The following HERC2 variants were observed in gnomAD, a reference collection of about 807,000 sequenced individuals.
HERC2 encodes E3 ubiquitin-protein ligase HERC2.
A neutral mutation model predicts 537.7 loss-of-function variants in HERC2; 102 were observed. The ratio of observed to expected loss-of-function variants is 0.19; its 90% confidence interval spans 0.16 to 0.22. The LOEUF is 0.22. Among genes scored for constraint, HERC2 ranks in the 10% least tolerant of loss-of-function variants. The pLI is 1.00. For synonymous variants in HERC2, 2,224 were observed against 2,466.2 expected (o/e 0.90, Z 2.91); for missense variants, 4,236 against 6,198.2 (o/e 0.68, Z 10.63).
chr15:28,144,543 G>T, intron 72 of HERC2, 130 bp downstream of exon 72: 2 of 1,282,530 alleles, frequency 1.6e-6, no homozygotes, highest in Non-Finnish European at 1.1e-6. Flanking sequence ...GGGCCTGTGA[G>T]AGCACTCACT....
rs72154154 is a variant in HERC2, at chr15:28,179,234, AT to A, written c.8938-12del. 1.3e-5 allele frequency: 20 copies of A among 1,571,270 alleles called. No individual in the cohort carries two copies. The African/African-American group carries it at 1.4e-4, about 11-fold the overall frequency. ...CGAAGGAACCTTTATCTACAACAGA[AT>A]TTTTTTAACAAAAAAAAAAGAAAAG... On this transcript the variant is annotated splice_polypyrimidine_tract_variant and intron_variant, in intron 57 of 92. Transcript: ENST00000261609.
At chr15:28,181,446 T>C (rs1171376280) in intron 57 of HERC2, among the ~76,000 whole-genome samples, 4 of 152,174 alleles carry the variant, frequency 2.6e-5, no homozygotes, top group Admixed American at 2.0e-4. Flanking sequence ...CCAATACAGA[T>C]AAAAACTAAT....
chr15:28,191,120 G>A lies in HERC2; in HGVS notation c.8557+19C>T, dbSNP rs952241110. On this transcript the variant is annotated intron_variant, in intron 54 of 92. Coordinates refer to ENST00000261609, the MANE Select transcript of HERC2 (RefSeq NM_004667.6). Reference sequence around the variant, plus strand: ...TTATTATAGAAGGTACTTCTTTTTAGGTAAACTAACTGAATTACCTGACAC... The same window carrying A: ...TTATTATAGAAGGTACTTCTTTTTAAGTAAACTAACTGAATTACCTGACAC... 1.9e-6 allele frequency: 3 copies of A among 1,597,564 alleles called. No individual in the cohort carries two copies. Among genetic ancestry groups the A allele is most frequent in the South Asian group, 2.2e-5 (2 of 90,712 alleles).
rs1464775853 is a variant in HERC2 at position 28,186,667 on chromosome 15, C to T, written c.8735G>A (p.Arg2912Gln). The T allele has an allele frequency of 8.1e-6, 13 of 1,613,832 alleles. No individual in the cohort carries two copies. The highest frequency in any genetic ancestry group is 2.2e-5 in the East Asian group (1 of 44,882). ...CAAATCTTCCTCTTCTGCACGGATC[C>T]GTCCCAGCAGGATGAGACCATGGAT... Reference protein sequence around the residue: ...CKIHGLILLGRIRAEEEDLAA... With the variant: ...CKIHGLILLGQIRAEEEDLAA... The change falls in exon 56 of 93, where the codon CGG (arginine) becomes CAG (glutamine). Residue 2912 changes from arginine (R) to glutamine (Q), a missense_variant. Coordinates refer to ENST00000261609, the MANE Select transcript of HERC2 (RefSeq NM_004667.6).
chr15:28,120,282 A>G (rs1205589864), intron 86 of HERC2, among the ~76,000 whole-genome samples: 4 of 152,254 alleles, frequency 2.6e-5, no homozygotes, highest in Admixed American at 1.3e-4. Flanking sequence ...GAGCTGTCCA[A>G]CAAAGGACAA....
At position 28,272,272 on chromosome 15, in the gene HERC2, T is replaced by C. The variant is rs2075753107; in HGVS notation, c.1026A>G (p.Gln342=). 7 of 1,612,156 alleles carry C rather than the reference T, an allele frequency of 4.3e-6. No individual in the cohort carries two copies. The highest frequency in any genetic ancestry group is 2.7e-5 in the African/African-American group (2 of 74,894). Reference sequence around the variant, plus strand: ...TCCTGCAAATGATGCTCTGGAACCTTTGCAGCAAGGGCAAAAGTGGGGCGC... The same window carrying C: ...TCCTGCAAATGATGCTCTGGAACCTCTGCAGCAAGGGCAAAAGTGGGGCGC... The part of the protein sequence containing the change: ...GTSAPLLPLL[Q]RFQSIICRKD... The change falls in exon 9 of 93, where the codon CAA becomes CAG. Residue 342 remains glutamine, a synonymous_variant. Coordinates refer to ENST00000261609, the MANE Select transcript of HERC2 (RefSeq NM_004667.6).
intron 52 of HERC2, among the ~76,000 whole-genome samples, chr15:28,192,369 A>T (rs1294306430): frequency 6.6e-6 from 1 of 152,190 alleles, no homozygotes; most frequent in East Asian, 1.9e-4. Flanking sequence ...TTCTACTAAA[A>T]CCTCCCAGGG....
intron 83 of HERC2, among the ~76,000 whole-genome samples, chr15:28,126,738 A>G (rs903280751): frequency 1.3e-5 from 2 of 152,200 alleles, no homozygotes; most frequent in Non-Finnish European, 2.9e-5. Context: ...GTGAGGGATA[A>G]AAGACTACAC....
In HERC2 at chr15:28,175,370, C is replaced by A. The variant is rs550911388; in HGVS notation, c.9831+142G>T. The A allele has an allele frequency of 2.3e-5, 19 of 838,528 alleles. No individual in the cohort carries two copies. The East Asian group carries it at 4.8e-4, about 21-fold the overall frequency. 51.9% of individuals were successfully genotyped at this position (838,528 alleles called of 1,614,324 possible). ...ACACCAGTGGGCAAAAGGAACAGGA[C>A]CCGCCCTCATGGTTCTCCAAGCAGT... is the stretch of plus-strand genomic sequence containing the variant. On this transcript the variant is annotated intron_variant, in intron 64 of 92. Transcript: ENST00000261609.
In HERC2 at chr15:28,280,166, C is replaced by A; in HGVS notation, c.444G>T (p.Glu148Asp). 8.1e-6 allele frequency: 13 copies of A among 1,614,208 alleles called. No homozygotes were observed. Among genetic ancestry groups the A allele is most frequent in the Non-Finnish European group, 1.1e-5 (13 of 1,180,030 alleles). The change falls in exon 5 of 93, where the codon GAG becomes GAT. Residue 148 changes from glutamate (E) to aspartate (D), a missense_variant. This residue lies in a region of HERC2 where 491 missense variants were observed against 559.3 expected (regional missense o/e 0.88). Transcript: ENST00000261609. The part of the protein sequence containing the change: ...LRLKQRLVIL[E>D]RYFIALNRTV... ...TTCTATTCAAGGCAATGAAATAGCG[C>A]TCCAAGATCACCAGCCTCTGCTTGA...
intron 43 of HERC2, among the ~76,000 whole-genome samples, 191 bp downstream of exon 43, chr15:28,212,254 A>AC (rs1318520237): frequency 6.6e-6 from 1 of 152,208 alleles, no homozygotes; most frequent in Non-Finnish European, 1.5e-5. Context: ...GAACATGGCG[A>AC]CAAAAGCTGA....
At chr15:28,167,916 T>G in intron 67 of HERC2, 89 bp from the exon 68 acceptor site, 1 of 1,372,818 alleles carries the variant, frequency 7.3e-7, no homozygotes, top group Non-Finnish European at 9.9e-7. Context: ...ATGCTTTACC[T>G]AAAACTACTT....
chr15:28,292,166 T>C lies in HERC2; in HGVS notation c.322+722A>G, dbSNP rs187910629. 2.5e-3 allele frequency among the ~76,000 whole-genome samples: 355 copies of C among 139,666 alleles called. 1 individual carries two copies. The highest frequency in any genetic ancestry group is 7.1e-3 in the Admixed American group (88 of 12,438). The allele number at this position is 139,666 out of a possible 152,430, so 91.6% of individuals were successfully genotyped here. On this transcript the variant is annotated intron_variant, in intron 4 of 92. Transcript: ENST00000261609. The stretch of plus-strand genomic sequence containing the variant: ...ATCACTTGAACCTGGGAGGTGGAGA[T>C]TGCAATGAGCCAAGATTGCACCACT...
At chr15:28,262,868 T>G in intron 15 of HERC2, 50 bp downstream of exon 15, 1 of 1,562,312 alleles carries the variant, frequency 6.4e-7, no homozygotes, top group African/African-American at 1.4e-5. Context: ...TTTAAAACAT[T>G]ACTAAAGAAA....
intron 23 of HERC2, among the ~76,000 whole-genome samples, chr15:28,239,547 G>A (rs985070539): frequency 6.9e-6 from 1 of 145,950 alleles, no homozygotes; most frequent in African/African-American, 2.6e-5. Context: ...TTTTATAGAG[G>A]ATACGCAACA....
intron 10 of HERC2, among the ~76,000 whole-genome samples, chr15:28,269,857 C>G (rs1468425791): frequency 6.6e-6 from 1 of 152,284 alleles, no homozygotes; most frequent in Non-Finnish European, 1.5e-5. Flanking sequence ...AACCAGCCCA[C>G]ACTAGGTGCA....
At chr15:28,182,810 G>A (rs751417735) in intron 56 of HERC2, among the ~76,000 whole-genome samples, 7 of 152,166 alleles carry the variant, frequency 4.6e-5, no homozygotes, top group African/African-American at 1.4e-4. Flanking sequence ...AAATACCAAC[G>A]TGAACATGGG....
chr15:28,123,171 G>T (rs1203653645), intron 85 of HERC2, among the ~76,000 whole-genome samples: 4 of 152,138 alleles, frequency 2.6e-5, no homozygotes, highest in African/African-American at 9.7e-5. Flanking sequence ...TAAAATGAAT[G>T]TACCAGTCCT....
chr15:28,307,200 T>C (rs988960984), intron 2 of HERC2, among the ~76,000 whole-genome samples: 3 of 152,252 alleles, frequency 2.0e-5, no homozygotes, highest in African/African-American at 4.8e-5. Flanking sequence ...TAGTCTCTAA[T>C]GACCCTTTGA....
Sources: allele counts gnomAD v4.1 joint callset (sites outside exome capture counted in the v4.1 genomes callset), GRCh38; gene constraint gnomAD v4.1.1; regional missense constraint gnomAD v4.1.1; transcripts MANE v1.5; gene names NCBI Gene and HGNC (gene_info 2026-07-23, HGNC 2026-07-21).